Variants in NUBPL observed in about 807,000 individuals in gnomAD.
NUBPL encodes NUBP iron-sulfur cluster assembly factor, mitochondrial.
In NUBPL, 31 loss-of-function variants were observed where a neutral mutation model predicts 45.7. That is an observed-to-expected ratio of 0.68 (90% confidence interval 0.51 to 0.92). The LOEUF (loss-of-function observed/expected upper bound fraction) is 0.92. Among genes scored for constraint, NUBPL ranks in the 40% least tolerant of loss-of-function variants. The pLI is 0.00. For missense variants in NUBPL, 401 were observed against 398.7 expected (o/e 1.01, Z -0.05); for synonymous variants, 144 against 140.9 (o/e 1.02, Z -0.15).
At chr14:31,720,629 A>G (rs1468894746) in intron 6 of NUBPL, among the ~76,000 whole-genome samples, 1 of 152,118 alleles carries the variant, frequency 6.6e-6, no homozygotes, top group Non-Finnish European at 1.5e-5. Context: ...TTCTTCTTCA[A>G]TGCTTCAGCT....
At position 31,569,227 on chromosome 14, in the gene NUBPL, C is replaced by T. The variant is rs117248692; in HGVS notation, c.291+4179C>T. Among the ~76,000 whole-genome samples, 68 of 152,024 alleles carry T rather than the reference C, an allele frequency of 4.5e-4. 2 individuals are homozygous for T. In the East Asian group the frequency reaches 0.012, roughly 28 times the overall value. On this transcript the variant is annotated intron_variant, in intron 3 of 10. Coordinates refer to ENST00000281081, the MANE Select transcript of NUBPL (RefSeq NM_025152.3). ...TTTTTGTTTTTGTTTTTTAAGATCTCGATCTGTTGCCCAGGCTGGAGTGCA... is the reference window on the plus strand; with the variant it reads ...TTTTTGTTTTTGTTTTTTAAGATCTTGATCTGTTGCCCAGGCTGGAGTGCA...
chr14:31,813,620 G>C (rs1024836445), intron 7 of NUBPL, among the ~76,000 whole-genome samples: 1 of 151,560 alleles, frequency 6.6e-6, no homozygotes, highest in Admixed American at 6.6e-5. Context: ...ATGTACCATG[G>C]TGGTTTCCTG....
intron 6 of NUBPL, among the ~76,000 whole-genome samples, chr14:31,721,533 A>G (rs1364752619): frequency 6.6e-6 from 1 of 152,094 alleles, no homozygotes; most frequent in Non-Finnish European, 1.5e-5. Context: ...AAACAGAAGC[A>G]TAGAAAAGCT....
chr14:31,769,620 G>A (rs1408502416), intron 6 of NUBPL, among the ~76,000 whole-genome samples: 1 of 151,356 alleles, frequency 6.6e-6, no homozygotes, highest in Non-Finnish European at 1.5e-5. Context: ...AAGTAGTTTG[G>A]AGCTTTCCTG....
chr14:31,808,037 A>C (rs1262555892), intron 7 of NUBPL, among the ~76,000 whole-genome samples: 1 of 152,178 alleles, frequency 6.6e-6, no homozygotes, highest in Non-Finnish European at 1.5e-5. Context: ...CTTGTACTAC[A>C]GTTTGAAGTC....
chr14:31,631,214 C>T (rs2035332899), intron 4 of NUBPL, among the ~76,000 whole-genome samples: 1 of 151,954 alleles, frequency 6.6e-6, no homozygotes, highest in Admixed American at 6.6e-5. Context: ...GTCCAGTTTT[C>T]TAGTTTTTTA....
rs376973117 is a variant in NUBPL at position 31,695,339 on chromosome 14, G to A, written c.513+21765G>A. Among the ~76,000 whole-genome samples the A allele has an allele frequency of 7.2e-3, 911 of 127,210 alleles. 10 individuals carry two copies. Among genetic ancestry groups the A allele is most frequent in the African/African-American group, 0.022 (852 of 38,470 alleles). 83.5% of individuals were successfully genotyped at this position (127,210 alleles called of 152,430 possible). Reference sequence around the variant, plus strand: ...ATATATGCAGTTTTTGAGTATTGTAGTGTTCCTTTTTTTTTTTTTTTTAAA... The same window carrying A: ...ATATATGCAGTTTTTGAGTATTGTAATGTTCCTTTTTTTTTTTTTTTTAAA... On this transcript the variant is annotated intron_variant, in intron 6 of 10. Transcript: ENST00000281081.
chr14:31,730,585 T>C (rs1208860165), intron 6 of NUBPL, among the ~76,000 whole-genome samples: 3 of 151,774 alleles, frequency 2.0e-5, no homozygotes, highest in Non-Finnish European at 4.4e-5. Flanking sequence ...TGCCTCAGTC[T>C]CCCGAGTAGC....
chr14:31,691,028 A>G (rs2037080170), intron 6 of NUBPL, among the ~76,000 whole-genome samples: 1 of 151,860 alleles, frequency 6.6e-6, no homozygotes, highest in Non-Finnish European at 1.5e-5. Flanking sequence ...AAACAGAGGA[A>G]GAAGGATTGG....
At chr14:31,568,219 A>G (rs987339012) in intron 3 of NUBPL, among the ~76,000 whole-genome samples, 4 of 152,162 alleles carry the variant, frequency 2.6e-5, no homozygotes, top group Non-Finnish European at 4.4e-5. Flanking sequence ...ATAAATTTGT[A>G]GGTGTGGACC....
At chr14:31,561,860 G>T (rs2033290944) in intron 1 of NUBPL, 1 of 616,510 alleles carries the variant, frequency 1.6e-6, no homozygotes, top group Non-Finnish European at 2.8e-6. Context: ...TAAACGTTCA[G>T]CGTATCCTGC....
intron 7 of NUBPL, among the ~76,000 whole-genome samples, chr14:31,805,711 A>T (rs1308840585): frequency 6.6e-6 from 1 of 152,192 alleles, no homozygotes; most frequent in Non-Finnish European, 1.5e-5. Flanking sequence ...TAATGAGAAC[A>T]CATGGACACA....
At chr14:31,780,798 A>C (rs1409028207) in intron 6 of NUBPL, among the ~76,000 whole-genome samples, 1 of 152,232 alleles carries the variant, frequency 6.6e-6, no homozygotes, top group East Asian at 1.9e-4. Flanking sequence ...AAAGAAATCT[A>C]GGTATTTCGG....
At chr14:31,748,060 TG>T (rs1378247544) in intron 6 of NUBPL, among the ~76,000 whole-genome samples, 5 of 152,246 alleles carry the variant, frequency 3.3e-5, no homozygotes, top group Admixed American at 6.5e-5. Flanking sequence ...GTTGACCCAT[TG>T]GTCATTCAGG....
At chr14:31,628,060 G>A (rs1279258777) in intron 4 of NUBPL, among the ~76,000 whole-genome samples, 4 of 152,196 alleles carry the variant, frequency 2.6e-5, no homozygotes, top group Non-Finnish European at 4.4e-5. Context: ...GTTGTAAGGT[G>A]TTGTTTTGGC....
At chr14:31,704,406 G>T (rs1207083239) in intron 6 of NUBPL, among the ~76,000 whole-genome samples, 3 of 152,194 alleles carry the variant, frequency 2.0e-5, no homozygotes, top group African/African-American at 4.8e-5. Context: ...GCCCACGCCT[G>T]TAATCCCAGC....
chr14:31,751,933 G>C (rs2038540868), intron 6 of NUBPL, among the ~76,000 whole-genome samples: 1 of 152,192 alleles, frequency 6.6e-6, no homozygotes, highest in Non-Finnish European at 1.5e-5. Context: ...GGCCACCAAG[G>C]CTTGGGGCTT....
intron 4 of NUBPL, among the ~76,000 whole-genome samples, chr14:31,640,827 C>G (rs561179940): frequency 3.1e-4 from 47 of 152,130 alleles, no homozygotes; most frequent in African/African-American, 1.1e-3. Flanking sequence ...CACCTTAAAT[C>G]CATTTCTTTA....
chr14:31,654,885 TTATA>T (rs1314619466), intron 4 of NUBPL, among the ~76,000 whole-genome samples: 3 of 152,228 alleles, frequency 2.0e-5, no homozygotes, highest in Non-Finnish European at 4.4e-5. Context: ...TCAATTAAGT[TTATA>T]TAACATTCTA....
Sources: gnomAD v4.1 joint callset for allele counts (sites outside exome capture counted in the v4.1 genomes callset) on GRCh38, gnomAD v4.1.1 for gene constraint, MANE v1.5 for transcripts, NCBI Gene and HGNC (gene_info 2026-07-23, HGNC 2026-07-21) for gene names.